Variants in TPD52L1 observed in about 807,000 individuals in gnomAD.
The protein encoded by TPD52L1 is TPD52 like 1.
TPD52L1 carries 18 observed loss-of-function variants against 28.7 expected under a neutral mutation model. That is an observed-to-expected ratio of 0.63 (90% confidence interval 0.43 to 0.93). The LOEUF is 0.93. Among genes scored for constraint, TPD52L1 ranks in the 40% least tolerant of loss-of-function variants. TPD52L1 has a pLI of 0.00. For synonymous variants in TPD52L1, 75 were observed against 88.8 expected (o/e 0.84, Z 0.88); for missense variants, 203 against 254.8 (o/e 0.80, Z 1.39).
intron 1 of TPD52L1, among the ~76,000 whole-genome samples, chr6:125,210,634 C>A (rs1288271641): frequency 6.6e-6 from 1 of 152,114 alleles, no homozygotes; most frequent in Non-Finnish European, 1.5e-5. Context: ...ATTTTTGCTT[C>A]TTGAGGACAG....
chr6:125,251,902 GC>G, intron 4 of TPD52L1: 1 of 951,334 alleles, frequency 1.1e-6, no homozygotes, highest in Non-Finnish European at 1.6e-6. Context: ...GGTAAATGAA[GC>G]TACCCTGTCT....
chr6:125,187,344 A>G (rs1792709626), intron 1 of TPD52L1, among the ~76,000 whole-genome samples: 1 of 152,180 alleles, frequency 6.6e-6, no homozygotes, highest in African/African-American at 2.4e-5. Context: ...TAGAAATGTG[A>G]ATTACTACAC....
At chr6:125,186,129 C>T (rs1792608651) in intron 1 of TPD52L1, among the ~76,000 whole-genome samples, 1 of 152,006 alleles carries the variant, frequency 6.6e-6, no homozygotes, top group African/African-American at 2.4e-5. Flanking sequence ...CCTGATCCAC[C>T]TGCCCCAGCC....
At chr6:125,192,335 T>C (rs968686765) in intron 1 of TPD52L1, among the ~76,000 whole-genome samples, 1 of 151,756 alleles carries the variant, frequency 6.6e-6, no homozygotes, top group Non-Finnish European at 1.5e-5. Context: ...TTTTTTTTTT[T>C]ATCTGGTGTT....
At chr6:125,242,073 T>C (rs866015924) in intron 3 of TPD52L1, among the ~76,000 whole-genome samples, 1 of 152,072 alleles carries the variant, frequency 6.6e-6, no homozygotes, top group Non-Finnish European at 1.5e-5. Context: ...CTTGATTTCA[T>C]TGTTGACCAA....
At chr6:125,169,175 G>A (rs1353460270) in intron 1 of TPD52L1, among the ~76,000 whole-genome samples, 2 of 152,112 alleles carry the variant, frequency 1.3e-5, no homozygotes, top group East Asian at 3.9e-4. Flanking sequence ...TGGTTTTCAG[G>A]ATACTGAACA....
chr6:125,207,532 C>T (rs1458057410), intron 1 of TPD52L1, among the ~76,000 whole-genome samples: 4 of 152,148 alleles, frequency 2.6e-5, no homozygotes, highest in South Asian at 2.1e-4. Context: ...TAGTGAAAAA[C>T]GTTGGAAGAC....
Position 125,153,925 on chromosome 6 carries a change from G to A in TPD52L1, c.-27G>A, listed in dbSNP as rs1387191093. On this transcript the variant is annotated 5_prime_UTR_variant, in exon 1 of 7. Transcript: ENST00000534000. Reference sequence around the variant, plus strand: ...CTCTGGGAAGCACCAGGGTGTCCCCGCCGCCCTCAGCTCGAAGTCAGCCAC... The same window carrying A: ...CTCTGGGAAGCACCAGGGTGTCCCCACCGCCCTCAGCTCGAAGTCAGCCAC... 1.9e-6 allele frequency: 3 copies of A among 1,599,732 alleles called. No individual in the cohort carries two copies. Among genetic ancestry groups the A allele is most frequent in the Admixed American group, 1.7e-5 (1 of 59,246 alleles).
At position 125,153,876 on chromosome 6, in the gene TPD52L1, G is replaced by A. The variant is rs1789932027; in HGVS notation, c.-76G>A. On this transcript the variant is annotated 5_prime_UTR_variant, in exon 1 of 7. Coordinates refer to ENST00000534000, the MANE Select transcript of TPD52L1 (RefSeq NM_003287.4). The stretch of plus-strand genomic sequence containing the variant: ...CGAGCGGCGGGGCCAGCTGCGTTCT[G>A]AGCCTGGGCGCAGCTGCCATCTGCT... 6.5e-7 allele frequency: 1 copy of A among 1,529,360 alleles called. No homozygotes were observed. The highest frequency in any genetic ancestry group is 1.9e-5 in the Admixed American group (1 of 51,782). 94.7% of individuals were successfully genotyped at this position (1,529,360 alleles called of 1,614,324 possible). A position where few individuals can be genotyped will look rare whatever the true frequency, so the allele number is the denominator to read the frequency against.
intron 3 of TPD52L1, among the ~76,000 whole-genome samples, chr6:125,242,582 C>T (rs752511636): frequency 6.6e-6 from 1 of 151,990 alleles, no homozygotes. Context: ...GCTTTAAAGT[C>T]TGTTTTGCTT....
chr6:125,172,471 T>A (rs1357729055), intron 1 of TPD52L1, among the ~76,000 whole-genome samples: 1 of 114,276 alleles, frequency 8.8e-6, no homozygotes, highest in Non-Finnish European at 1.7e-5. Flanking sequence ...TGTGTGTGTG[T>A]GTGTGTGTTT....
At chr6:125,187,577 G>T (rs947998748) in intron 1 of TPD52L1, among the ~76,000 whole-genome samples, 5 of 152,238 alleles carry the variant, frequency 3.3e-5, no homozygotes, top group African/African-American at 1.2e-4. Flanking sequence ...GAAATATTCA[G>T]CAGTCTTTTA....
intron 4 of TPD52L1, among the ~76,000 whole-genome samples, chr6:125,250,036 C>T (rs766755071): frequency 9.2e-5 from 14 of 152,056 alleles, no homozygotes; most frequent in Non-Finnish European, 1.6e-4. Context: ...ATTTTAACGG[C>T]GTTATAACAT....
chr6:125,253,683 CT>C (rs1797415464), intron 4 of TPD52L1, 33 bp from the exon 5 acceptor site: 3 of 1,602,134 alleles, frequency 1.9e-6, no homozygotes, highest in Non-Finnish European at 2.6e-6. Flanking sequence ...CTTCTTTTTT[CT>C]TTTTTCCCCT....
chr6:125,164,996 C>T (rs1443237436), intron 1 of TPD52L1, among the ~76,000 whole-genome samples: 1 of 144,946 alleles, frequency 6.9e-6, no homozygotes, highest in African/African-American at 2.6e-5. Context: ...GCTTATAGTC[C>T]CAGCTAATCA....
At chr6:125,165,935 T>C (rs571981711) in intron 1 of TPD52L1, among the ~76,000 whole-genome samples, 105 of 152,344 alleles carry the variant, frequency 6.9e-4, no homozygotes, top group African/African-American at 2.3e-3. Context: ...GTAATCTCAG[T>C]ATTTTAAAAT....
At position 125,261,940 on chromosome 6, in the gene TPD52L1, G is replaced by A. The variant is rs556929457; in HGVS notation, c.487-894G>A. 5.3e-5 allele frequency: 8 copies of A among 152,326 alleles called. No homozygotes were observed. The East Asian group carries it at 1.2e-3, about 22-fold the overall frequency. The allele number at this position is 152,326 out of a possible 1,614,324, so 9.4% of individuals were successfully genotyped here. On this transcript the variant is annotated intron_variant, in intron 6 of 6. Coordinates refer to ENST00000534000, the MANE Select transcript of TPD52L1 (RefSeq NM_003287.4). The stretch of plus-strand genomic sequence containing the variant: ...TACCTGAGACTGGGTAATTTATAAA[G>A]GAAAGAGATTTAATTGACTCACAGT...
intron 1 of TPD52L1, among the ~76,000 whole-genome samples, chr6:125,209,871 T>C (rs1248033702): frequency 6.6e-6 from 1 of 152,192 alleles, no homozygotes. Context: ...GGAAGCCAGA[T>C]TGGGGCAACA....
chr6:125,190,930 G>T (rs1009134214), intron 1 of TPD52L1, among the ~76,000 whole-genome samples: 2 of 152,126 alleles, frequency 1.3e-5, no homozygotes, highest in Admixed American at 6.6e-5. Context: ...GTAGCCCAGG[G>T]GTTGGGGACC....
Sources: allele counts gnomAD v4.1 joint callset (sites outside exome capture counted in the v4.1 genomes callset), GRCh38; gene constraint gnomAD v4.1.1; transcripts MANE v1.5; gene names NCBI Gene and HGNC (gene_info 2026-07-23, HGNC 2026-07-21).